SUGCT: variants seen among roughly 807,000 people sequenced by gnomAD.
SUGCT encodes succinyl-CoA:glutarate-CoA transferase.
SUGCT carries 41 observed loss-of-function variants against 55.0 expected under a neutral mutation model. That is an observed-to-expected ratio of 0.74 (90% CI 0.58 to 0.97). The LOEUF is 0.97. Ranked by LOEUF, SUGCT falls within the 50% of genes least tolerant of loss-of-function variation. SUGCT has a pLI of 0.00. For synonymous variants in SUGCT, 187 were observed against 200.4 expected, an observed-to-expected ratio of 0.93 and a Z score of 0.56; for missense variants, 568 against 547.8, an observed-to-expected ratio of 1.04 and a Z score of -0.37.
intron 8 of SUGCT, among the ~76,000 whole-genome samples, chr7:40,295,083 G>T (rs113384179): frequency 1.2e-4 from 19 of 152,130 alleles, no homozygotes; most frequent in African/African-American, 4.1e-4. Flanking sequence ...TTATCTTTCA[G>T]TGTTTCTTCA....
At chr7:40,702,601 C>T (rs548643789) in intron 12 of SUGCT, among the ~76,000 whole-genome samples, 1 of 152,270 alleles carries the variant, frequency 6.6e-6, no homozygotes, top group South Asian at 2.1e-4. Flanking sequence ...AGCATTGAGT[C>T]CACTTCACTT....
intron 9 of SUGCT, among the ~76,000 whole-genome samples, chr7:40,338,121 G>T (rs1796821848): frequency 6.6e-6 from 1 of 152,194 alleles, no homozygotes; most frequent in Non-Finnish European, 1.5e-5. Context: ...TAGATCCGCT[G>T]TTAGTCTGAT....
chr7:40,295,120 G>C (rs1007534369), intron 8 of SUGCT, among the ~76,000 whole-genome samples: 12 of 152,036 alleles, frequency 7.9e-5, no homozygotes, highest in African/African-American at 2.9e-4. Context: ...ATGGAGCATA[G>C]TACTTTTTCA....
At chr7:40,288,039 A>G (rs1320324398) in intron 8 of SUGCT, among the ~76,000 whole-genome samples, 7 of 152,110 alleles carry the variant, frequency 4.6e-5, no homozygotes, top group African/African-American at 1.7e-4. Flanking sequence ...CAGTTGGTCA[A>G]GTTGTATGAT....
chr7:40,870,235 C>G, the SUGCT span, among the ~76,000 whole-genome samples: 1 of 152,158 alleles, frequency 6.6e-6, no homozygotes, highest in Non-Finnish European at 1.5e-5. Context: ...TGGCTGTGCT[C>G]TCTGTGGGGG....
intron 12 of SUGCT, among the ~76,000 whole-genome samples, chr7:40,550,790 G>A (rs1384969142): frequency 1.3e-5 from 2 of 152,084 alleles, no homozygotes; most frequent in Non-Finnish European, 2.9e-5. Context: ...TACTCTCATT[G>A]TGTCTTTTGA....
the SUGCT span, among the ~76,000 whole-genome samples, chr7:40,916,400 C>T: frequency 6.6e-6 from 1 of 152,050 alleles, no homozygotes; most frequent in Non-Finnish European, 1.5e-5. Flanking sequence ...GGATGTGGAC[C>T]ATGTTAGGAA....
the SUGCT span, among the ~76,000 whole-genome samples, chr7:41,021,846 A>G: frequency 1.3e-5 from 2 of 152,156 alleles, no homozygotes; most frequent in African/African-American, 4.8e-5. Context: ...CATTAAACAT[A>G]GTAGGAGAGA....
intron 10 of SUGCT, among the ~76,000 whole-genome samples, chr7:40,458,133 T>C (rs540741110): frequency 6.6e-6 from 1 of 152,346 alleles, no homozygotes; most frequent in Non-Finnish European, 1.5e-5. Context: ...GATTAATAGA[T>C]AGATTTTATT....
At chr7:40,567,250 C>G (rs956214071) in intron 12 of SUGCT, among the ~76,000 whole-genome samples, 1 of 152,228 alleles carries the variant, frequency 6.6e-6, no homozygotes, top group African/African-American at 2.4e-5. Flanking sequence ...AGGTTTTCTT[C>G]AAGGCCTAAA....
intron 12 of SUGCT, among the ~76,000 whole-genome samples, chr7:40,536,568 G>T (rs901939304): frequency 6.6e-6 from 1 of 152,228 alleles, no homozygotes; most frequent in Non-Finnish European, 1.5e-5. Context: ...ATAGGGCCAG[G>T]CAAGTAGTTA....
At chr7:40,414,479 G>A (rs968945281) in intron 9 of SUGCT, among the ~76,000 whole-genome samples, 2 of 152,110 alleles carry the variant, frequency 1.3e-5, no homozygotes, top group Admixed American at 6.5e-5. Flanking sequence ...AAGCAGATGA[G>A]GGGGGACTAC....
At chr7:40,717,133 T>C (rs1441964270) in intron 12 of SUGCT, among the ~76,000 whole-genome samples, 1 of 152,212 alleles carries the variant, frequency 6.6e-6, no homozygotes, top group Non-Finnish European at 1.5e-5. Flanking sequence ...GAATGTATGC[T>C]GAGGAAATAA....
chr7:40,654,842 C>G (rs910649136), intron 12 of SUGCT, among the ~76,000 whole-genome samples: 1 of 152,020 alleles, frequency 6.6e-6, no homozygotes, highest in Non-Finnish European at 1.5e-5. Flanking sequence ...TCCCCTAACT[C>G]AACCTTACAG....
intron 8 of SUGCT, among the ~76,000 whole-genome samples, chr7:40,284,153 G>T (rs992803594): frequency 6.6e-6 from 1 of 151,992 alleles, no homozygotes; most frequent in Admixed American, 6.6e-5. Context: ...GTTGGAGGTG[G>T]GGGCAGGGGA....
At chr7:40,746,972 C>T (rs994266752) in intron 12 of SUGCT, among the ~76,000 whole-genome samples, 1 of 152,088 alleles carries the variant, frequency 6.6e-6, no homozygotes, top group Admixed American at 6.6e-5. Flanking sequence ...AAATTTAGCT[C>T]GGTATTTTTG....
At chr7:40,977,074 C>A in the SUGCT span, among the ~76,000 whole-genome samples, 4 of 152,198 alleles carry the variant, frequency 2.6e-5, no homozygotes, top group Non-Finnish European at 5.9e-5. Flanking sequence ...AATAGGCTGA[C>A]TAGCAATGTT....
At chr7:41,013,523 T>C in the SUGCT span, among the ~76,000 whole-genome samples, 2 of 152,148 alleles carry the variant, frequency 1.3e-5, no homozygotes, top group Non-Finnish European at 2.9e-5. Flanking sequence ...GAAAATATAG[T>C]AACAAAAAAG....
intron 6 of SUGCT, among the ~76,000 whole-genome samples, chr7:40,195,412 G>A (rs1296376592): frequency 2.0e-5 from 3 of 150,556 alleles, no homozygotes; most frequent in South Asian, 2.1e-4. Context: ...TAGTAGAGAC[G>A]GGGTTTCACC....
Sources: gnomAD v4.1 joint callset for allele counts (sites outside exome capture counted in the v4.1 genomes callset) on GRCh38, gnomAD v4.1.1 for gene constraint, MANE v1.5 for transcripts, NCBI Gene and HGNC (gene_info 2026-07-23, HGNC 2026-07-21) for gene names.